The following NTNG1 variants were observed in gnomAD, a reference collection of about 807,000 sequenced individuals.
The protein encoded by NTNG1 is netrin-G1.
In NTNG1, 16 loss-of-function variants were observed where a neutral mutation model predicts 54.0. That is an observed-to-expected ratio of 0.30 (90% CI 0.20 to 0.45). The LOEUF is 0.45. NTNG1 is among the 20% of genes least tolerant of loss of function. The pLI is 1.00. For synonymous variants in NTNG1, 255 were observed against 263.1 expected (o/e 0.97, Z 0.30); for missense variants, 530 against 678.7 (o/e 0.78, Z 2.43).
intron 7 of NTNG1, among the ~76,000 whole-genome samples, chr1:107,463,812 C>T (rs964074482): frequency 6.6e-6 from 1 of 151,976 alleles, no homozygotes; most frequent in Admixed American, 6.6e-5. Context: ...CTTATTTCTT[C>T]TTCATATCAA....
chr1:107,404,431 A>G (rs1397258244), intron 4 of NTNG1, among the ~76,000 whole-genome samples: 2 of 152,196 alleles, frequency 1.3e-5, no homozygotes, highest in Non-Finnish European at 2.9e-5. Flanking sequence ...GACAATATGT[A>G]TTGTTAATAT....
intron 3 of NTNG1, among the ~76,000 whole-genome samples, chr1:107,344,029 C>T (rs933525932): frequency 6.6e-6 from 1 of 151,864 alleles, no homozygotes; most frequent in Non-Finnish European, 1.5e-5. Flanking sequence ...CTTACAAAGC[C>T]CATGTTTTAA....
intron 3 of NTNG1, among the ~76,000 whole-genome samples, chr1:107,328,425 T>C (rs1668087954): frequency 6.6e-6 from 1 of 152,148 alleles, no homozygotes; most frequent in South Asian, 2.1e-4. Context: ...ATGGTACTTA[T>C]GTTAATTAAC....
intron 2 of NTNG1, among the ~76,000 whole-genome samples, chr1:107,248,877 G>A (rs1662375028): frequency 6.6e-6 from 1 of 151,894 alleles, no homozygotes; most frequent in Admixed American, 6.6e-5. Context: ...GGCCGGGGGT[G>A]GTGGCTCATG....
chr1:107,275,134 T>C (rs1664382258), intron 2 of NTNG1, among the ~76,000 whole-genome samples: 1 of 152,182 alleles, frequency 6.6e-6, no homozygotes. Flanking sequence ...CCCAGCACTT[T>C]GGGAGGCTAA....
intron 2 of NTNG1, among the ~76,000 whole-genome samples, chr1:107,161,078 T>G (rs966090835): frequency 6.6e-6 from 1 of 152,198 alleles, no homozygotes; most frequent in Non-Finnish European, 1.5e-5. Flanking sequence ...TATTTATATC[T>G]CTTTTCCCCT....
intron 4 of NTNG1, among the ~76,000 whole-genome samples, chr1:107,401,139 A>T (rs1260840210): frequency 6.6e-6 from 1 of 152,112 alleles, no homozygotes; most frequent in Non-Finnish European, 1.5e-5. Context: ...GAGGAACTTT[A>T]ATGGGAAAAA....
At chr1:107,224,880 C>A (rs899792849) in intron 2 of NTNG1, among the ~76,000 whole-genome samples, 3 of 151,936 alleles carry the variant, frequency 2.0e-5, no homozygotes, top group Non-Finnish European at 4.4e-5. Context: ...GGTCTGAGAC[C>A]CCCCTCTGCA....
chr1:107,328,791 T>C (rs1668107030), intron 3 of NTNG1: 1 of 152,164 alleles, frequency 6.6e-6, no homozygotes, highest in Admixed American at 6.6e-5. Context: ...AATAATGTGA[T>C]TTAATGTAAT....
intron 2 of NTNG1, among the ~76,000 whole-genome samples, chr1:107,176,847 G>A (rs1292369253): frequency 6.6e-6 from 1 of 152,044 alleles, no homozygotes; most frequent in African/African-American, 2.4e-5. Flanking sequence ...GTAGTCTAAA[G>A]CAAGGTTTCT....
At chr1:107,456,115 G>T (rs1262277955) in intron 7 of NTNG1, among the ~76,000 whole-genome samples, 4 of 152,128 alleles carry the variant, frequency 2.6e-5, no homozygotes, top group Non-Finnish European at 5.9e-5. Flanking sequence ...ACCATTACAT[G>T]CCAAGAGGGA....
At chr1:107,454,949 G>A (rs192849518) in intron 7 of NTNG1, among the ~76,000 whole-genome samples, 35 of 152,250 alleles carry the variant, frequency 2.3e-4, no homozygotes, top group African/African-American at 6.7e-4. Context: ...TACATTCATC[G>A]TTCAGGTGCT....
At position 107,350,623 on chromosome 1, in the gene NTNG1, A is replaced by G. The variant is rs144068589; in HGVS notation, c.887+25701A>G. Among the ~76,000 whole-genome samples the G allele has an allele frequency of 4.8e-3, 726 of 152,320 alleles. 8 individuals carry two copies. Among genetic ancestry groups the G allele is most frequent in the African/African-American group, 0.017 (689 of 41,572 alleles). Reference sequence around the variant, plus strand: ...CATTGACAGATGAATGGATAAGGAAAGTGTAATGCATATATACAATGTGAT... The same window carrying G: ...CATTGACAGATGAATGGATAAGGAAGGTGTAATGCATATATACAATGTGAT... On this transcript the variant is annotated intron_variant, in intron 3 of 7. Transcript: ENST00000370068.
chr1:107,430,652 A>G (rs757532484), intron 5 of NTNG1, 98 bp from the exon 6 acceptor site: 1 of 1,218,072 alleles, frequency 8.2e-7, no homozygotes, highest in South Asian at 1.2e-5. Context: ...ATGCCATTCC[A>G]CCGTCTTTTC....
intron 2 of NTNG1, among the ~76,000 whole-genome samples, chr1:107,259,191 CTA>C (rs1663132869): frequency 6.6e-6 from 1 of 151,932 alleles, no homozygotes; most frequent in Admixed American, 6.6e-5. Context: ...TATTTTTGTG[CTA>C]TGTTTTTTTC....
intron 7 of NTNG1, among the ~76,000 whole-genome samples, chr1:107,452,236 T>G (rs1219139740): frequency 6.6e-6 from 1 of 152,174 alleles, no homozygotes; most frequent in Non-Finnish European, 1.5e-5. Context: ...CTTGATGAAG[T>G]GCTGGGAAGG....
chr1:107,208,232 C>G (rs1286518879), intron 2 of NTNG1, among the ~76,000 whole-genome samples: 2 of 151,940 alleles, frequency 1.3e-5, no homozygotes, highest in East Asian at 3.9e-4. Context: ...GAGTTTGAGA[C>G]CAGCCTGACC....
At chr1:107,361,431 C>T (rs1171390779) in intron 3 of NTNG1, among the ~76,000 whole-genome samples, 1 of 125,756 alleles carries the variant, frequency 8.0e-6, no homozygotes, top group African/African-American at 3.0e-5. Flanking sequence ...CTCTTGTTGC[C>T]CAGGCTGGAG....
chr1:107,409,722 T>G (rs1418071631), intron 5 of NTNG1: 1 of 152,156 alleles, frequency 6.6e-6, no homozygotes, highest in South Asian at 2.1e-4. Context: ...TAGAATGCAA[T>G]GGGTATTTTC....
Sources: allele counts gnomAD v4.1 joint callset (sites outside exome capture counted in the v4.1 genomes callset), GRCh38; gene constraint gnomAD v4.1.1; transcripts MANE v1.5; gene names NCBI Gene and HGNC (gene_info 2026-07-23, HGNC 2026-07-21).